HECW1: variants seen among roughly 807,000 people sequenced by gnomAD.
The protein encoded by HECW1 is E3 ubiquitin-protein ligase HECW1.
A neutral mutation model predicts 182.3 loss-of-function variants in HECW1; 61 were observed. That is an observed-to-expected ratio of 0.33 (90% CI 0.27 to 0.41). The LOEUF (loss-of-function observed/expected upper bound fraction) is 0.41, where lower values mean the gene tolerates loss of function less well. Ranked by LOEUF, HECW1 falls within the 10% of genes least tolerant of loss-of-function variation. The pLI is 1.00. For missense variants in HECW1, 1,739 were observed against 2,108.9 expected (o/e 0.82, Z 3.44); for synonymous variants, 859 against 832.6 (o/e 1.03, Z -0.55).
chr7:43,507,107 G>C lies in HECW1; in HGVS notation c.3632-30G>C, dbSNP rs1585122529. On this transcript the variant is annotated intron_variant, in intron 21 of 29. Transcript: ENST00000395891. ...AAGAAGAAGAAGAAGAAGAAAGAAA[G>C]TGATGACCTCTGTGTGCTTCTCTCT... 5.0e-6 allele frequency: 8 copies of C among 1,594,872 alleles called. No homozygotes were observed. The East Asian group carries it at 1.8e-4, about 36-fold the overall frequency.
chr7:43,188,766 A>G (rs1793636720), intron 2 of HECW1, among the ~76,000 whole-genome samples: 1 of 152,198 alleles, frequency 6.6e-6, no homozygotes, highest in African/African-American at 2.4e-5. Flanking sequence ...ATATCTGGCC[A>G]GAAAGAGCAA....
intron 2 of HECW1, chr7:43,119,047 CACATTG>C (rs1258801825): frequency 6.6e-6 from 1 of 152,246 alleles, no homozygotes; most frequent in Non-Finnish European, 1.5e-5. Context: ...TGACAAACAG[CACATTG>C]AACATATATG....
chr7:43,358,818 C>CT (rs572118397), intron 5 of HECW1, among the ~76,000 whole-genome samples: 2,541 of 93,402 alleles, frequency 0.027, 59 homozygotes, highest in Middle Eastern at 0.045. Flanking sequence ...AAAATATATT[C>CT]TTTTTTTTTT....
chr7:43,397,623 G>C (rs1446972339), intron 7 of HECW1, among the ~76,000 whole-genome samples: 2 of 152,220 alleles, frequency 1.3e-5, no homozygotes, highest in African/African-American at 4.8e-5. Flanking sequence ...TACATTTCAA[G>C]GGTGGGGAGA....
In HECW1 at chr7:43,312,060, G is replaced by A; in HGVS notation, c.325G>A (p.Gly109Arg). ...GGACATAAAGGAGGAAGTGGACGCT[G>A]GGGACTGGATTGGCATGTACCTCAT... ...HWDIKEEVDA[G>R]DWIGMYLIDE... Residue 109 changes from glycine to arginine, a missense_variant, in exon 4 of 30, where the codon GGG (glycine) becomes AGG (arginine). Gly to Arg is a moderately radical substitution (Grantham distance 125). Coordinates refer to ENST00000395891, the MANE Select transcript of HECW1 (RefSeq NM_015052.5). 6.2e-7 allele frequency: 1 copy of A among 1,614,170 alleles called. No individual in the cohort carries two copies. Among genetic ancestry groups the A allele is most frequent in the Non-Finnish European group, 8.5e-7 (1 of 1,179,984 alleles).
chr7:43,321,109 C>T (rs528422914), intron 5 of HECW1, among the ~76,000 whole-genome samples: 1 of 152,266 alleles, frequency 6.6e-6, no homozygotes, highest in African/African-American at 2.4e-5. Context: ...AGGCATCCTA[C>T]CCTCCAGTTT....
At chr7:43,381,734 G>A (rs1206551995) in intron 6 of HECW1, among the ~76,000 whole-genome samples, 2 of 152,122 alleles carry the variant, frequency 1.3e-5, no homozygotes, top group Non-Finnish European at 2.9e-5. Flanking sequence ...ATGTTGGCTA[G>A]GCTGGTCGCA....
chr7:43,303,288 G>C (rs747997108), intron 3 of HECW1, among the ~76,000 whole-genome samples: 2 of 152,040 alleles, frequency 1.3e-5, no homozygotes, highest in Non-Finnish European at 2.9e-5. Flanking sequence ...TCTCTTACGT[G>C]TGAGTGAGAA....
intron 2 of HECW1, among the ~76,000 whole-genome samples, chr7:43,166,250 C>G (rs967935309): frequency 6.6e-6 from 1 of 152,096 alleles, no homozygotes; most frequent in Non-Finnish European, 1.5e-5. Context: ...CAGCCAGCTA[C>G]TTTTGTATTT....
At chr7:43,301,162 C>G (rs1285837947) in intron 3 of HECW1, among the ~76,000 whole-genome samples, 1 of 151,862 alleles carries the variant, frequency 6.6e-6, no homozygotes, top group African/African-American at 2.4e-5. Flanking sequence ...ATGGGAGACC[C>G]CTTTCACACA....
At chr7:43,370,056 G>T (rs759483317) in intron 6 of HECW1, among the ~76,000 whole-genome samples, 3 of 152,116 alleles carry the variant, frequency 2.0e-5, no homozygotes, top group Non-Finnish European at 4.4e-5. Context: ...TCCATCAAGA[G>T]AATGAGAAGA....
At chr7:43,452,121 C>A (rs1194454558) in intron 12 of HECW1, among the ~76,000 whole-genome samples, 1 of 152,136 alleles carries the variant, frequency 6.6e-6, no homozygotes, top group Non-Finnish European at 1.5e-5. Context: ...ACTTTTGATG[C>A]CTGATTTCTT....
At chr7:43,216,725 G>A (rs1382910689) in intron 2 of HECW1, among the ~76,000 whole-genome samples, 1 of 151,864 alleles carries the variant, frequency 6.6e-6, no homozygotes, top group African/African-American at 2.4e-5. Context: ...CGTGAACTCA[G>A]CTCACTGCAA....
chr7:43,247,804 AG>A (rs1239236637), intron 3 of HECW1, among the ~76,000 whole-genome samples: 1 of 143,164 alleles, frequency 7.0e-6, no homozygotes, highest in African/African-American at 2.7e-5. Flanking sequence ...GAAGGAGGGA[AG>A]GAAAGAAAAG....
intron 2 of HECW1, among the ~76,000 whole-genome samples, chr7:43,236,251 G>C (rs1448212826): frequency 6.6e-6 from 1 of 152,110 alleles, no homozygotes; most frequent in Non-Finnish European, 1.5e-5. Context: ...GATATATTAA[G>C]TGATTACTTA....
At chr7:43,472,735 T>C (rs919640216) in intron 16 of HECW1, among the ~76,000 whole-genome samples, 17 of 152,314 alleles carry the variant, frequency 1.1e-4, no homozygotes, top group African/African-American at 4.1e-4. Context: ...TTCTGGAATG[T>C]CTTTAAATAG....
intron 19 of HECW1, among the ~76,000 whole-genome samples, 181 bp from the exon 20 acceptor site, chr7:43,500,518 C>T (rs17208513): frequency 0.15 from 23,394 of 152,170 alleles, 2,320 homozygotes; most frequent in Non-Finnish European, 0.21. Flanking sequence ...TGTAGAAAAG[C>T]CATCCCTCAT....
At chr7:43,507,056 C>G (rs1397146623) in intron 21 of HECW1, 81 bp from the exon 22 acceptor site, 9 of 1,507,490 alleles carry the variant, frequency 6.0e-6, no homozygotes, top group Middle Eastern at 3.6e-4. Context: ...GGCAACAGAG[C>G]GAGACTCCTT....
At chr7:43,130,640 G>GAGGTCAGAATAT (rs1327713543) in intron 2 of HECW1, among the ~76,000 whole-genome samples, 1 of 152,140 alleles carries the variant, frequency 6.6e-6, no homozygotes, top group Non-Finnish European at 1.5e-5. Flanking sequence ...AGGTAACTAA[G>GAGGTCAGAATAT]CAACACAGTA....
Sources: gnomAD v4.1 joint callset for allele counts (sites outside exome capture counted in the v4.1 genomes callset) on GRCh38, gnomAD v4.1.1 for gene constraint, MANE v1.5 for transcripts, NCBI Gene and HGNC (gene_info 2026-07-23, HGNC 2026-07-21) for gene names.